MCM4: variants seen among roughly 807,000 people sequenced by gnomAD.
MCM4 encodes the protein DNA replication licensing factor MCM4.
Under a neutral mutation model 88.7 loss-of-function variants are expected in MCM4, and 60 were observed. The ratio of observed to expected loss-of-function variants is 0.68; its 90% confidence interval spans 0.55 to 0.84. The LOEUF (loss-of-function observed/expected upper bound fraction) is 0.84, where lower values mean the gene tolerates loss of function less well. Ranked by LOEUF, MCM4 falls within the 40% of genes least tolerant of loss-of-function variation. The pLI, the probability that MCM4 is intolerant of heterozygous loss-of-function variation, is 0.00. For synonymous variants in MCM4, 465 were observed against 410.5 expected, an observed-to-expected ratio of 1.13 and a Z score of -1.61; for missense variants, 1,149 against 1,105.5, an observed-to-expected ratio of 1.04 and a Z score of -0.56.
At position 47,974,763 on chromosome 8, in the gene MCM4, TA is replaced by T. The variant is rs769592643; in HGVS notation, c.2167del (p.Ser723AlafsTer12). The T allele has an allele frequency of 1.2e-5, 19 of 1,614,128 alleles. No individual in the cohort carries two copies. Among genetic ancestry groups the T allele is most frequent in the Non-Finnish European group, 1.4e-5 (17 of 1,180,044 alleles). On this transcript the variant is annotated frameshift_variant, in exon 15 of 17. Coordinates refer to ENST00000649973, the MANE Select transcript of MCM4 (RefSeq NM_182746.3). LOFTEE classifies it high-confidence loss of function. ...ATGTAGACATGAGGAAGATTGGCAGTAGCCGGGGAATGGTTTCTGCATACCC... is the reference window on the plus strand; with the variant it reads ...ATGTAGACATGAGGAAGATTGGCAGTGCCGGGGAATGGTTTCTGCATACCC... ...AYVDMRKIGS[S>X]RGMVSAYPRQ...
At chr8:47,964,447 G>A in intron 7 of MCM4, 127 bp from the exon 8 acceptor site, 1 of 614,726 alleles carries the variant, frequency 1.6e-6, no homozygotes, top group Non-Finnish European at 2.7e-6. Context: ...GCACGTGCAT[G>A]ATTCTGTAGG....
chr8:47,969,469 G>A, intron 10 of MCM4: 1 of 278,380 alleles, frequency 3.6e-6, no homozygotes, highest in Non-Finnish European at 6.9e-6. Context: ...TGTTGATTAG[G>A]GTGGTCTCGA....
Position 47,977,347 on chromosome 8 carries a change from C to T in MCM4, c.*569C>T, listed in dbSNP as rs1048834574. ...CAGGTGCCATTTTATAGTATAGCAG[C>T]AGGGCTTTTACTCTGTGTATGCACA... On this transcript the variant is annotated 3_prime_UTR_variant, in exon 17 of 17. Transcript: ENST00000649973. 2 of 151,662 alleles carry T rather than the reference C, an allele frequency of 1.3e-5. No individual in the cohort carries two copies. The highest frequency in any genetic ancestry group is 4.9e-5 in the African/African-American group (2 of 41,040). The allele number at this position is 151,662 out of a possible 1,614,324, so 9.4% of individuals were successfully genotyped here. A position where few individuals can be genotyped will look rare whatever the true frequency, so the allele number is the denominator to read the frequency against.
At chr8:47,961,786 C>A in intron 3 of MCM4, 106 bp downstream of exon 3, 1 of 1,361,982 alleles carries the variant, frequency 7.3e-7, no homozygotes, top group Non-Finnish European at 1.0e-6. Context: ...CTAAAGCATC[C>A]CCTCTGCACG....
chr8:47,964,186 G>A (rs2090875611), intron 7 of MCM4, among the ~76,000 whole-genome samples: 1 of 152,114 alleles, frequency 6.6e-6, no homozygotes, highest in Admixed American at 6.5e-5. Flanking sequence ...TCATGCTGTT[G>A]CACTCCAGCC....
rs369607097 is a variant in MCM4 at position 47,969,802 on chromosome 8, C to G, written c.1179C>G (p.Ile393Met). ...QPGDRVNVTG[I>M]YRAVPIRVNP... is the part of the protein sequence containing the mutation. The stretch of plus-strand genomic sequence containing the variant: ...ATCTCCTGGTTGTGCCCTCAGGCAT[C>G]TATCGAGCTGTGCCTATTCGAGTCA... Residue 393 changes from isoleucine to methionine, a missense_variant, in exon 11 of 17, where the codon ATC (isoleucine) becomes ATG (methionine). Transcript: ENST00000649973. 28 of 1,614,014 alleles carry G rather than the reference C, an allele frequency of 1.7e-5. No homozygotes were observed. The highest frequency in any genetic ancestry group is 2.1e-5 in the Non-Finnish European group (25 of 1,179,830).
At chr8:47,966,484 C>T (rs1203894383) in intron 9 of MCM4, 77 bp downstream of exon 9, 24 of 1,390,626 alleles carry the variant, frequency 1.7e-5, no homozygotes, top group South Asian at 1.1e-4. Flanking sequence ...ACTTGTCCCT[C>T]GGACCCTGAG....
intron 13 of MCM4, 133 bp downstream of exon 13, chr8:47,971,601 AAG>A: frequency 1.1e-6 from 1 of 926,188 alleles, no homozygotes; most frequent in East Asian, 2.6e-5. Context: ...TTGGTTGGTC[AAG>A]AGTTTTCACG....
At chr8:47,967,220 A>G in intron 9 of MCM4, 145 bp from the exon 10 acceptor site, 1 of 891,328 alleles carries the variant, frequency 1.1e-6, no homozygotes, top group Non-Finnish European at 1.6e-6. Context: ...AGTAATTTCT[A>G]AGGAAATAAT....
chr8:47,966,316 G>A lies in MCM4; in HGVS notation c.962G>A (p.Arg321His), dbSNP rs980723406. 6.8e-6 allele frequency: 11 copies of A among 1,613,992 alleles called. No individual in the cohort carries two copies. Among genetic ancestry groups the A allele is most frequent in the East Asian group, 6.7e-5 (3 of 44,874 alleles). ...ACCCGGGTGGAGATGGACCGCGGCCGCATTGCAGAGCCCAGTGTGTGCGGG... is the reference window on the plus strand; with the variant it reads ...ACCCGGGTGGAGATGGACCGCGGCCACATTGCAGAGCCCAGTGTGTGCGGG... ...HTTRVEMDRG[R>H]IAEPSVCGRC... Residue 321 changes from arginine (R) to histidine (H), a missense_variant, in exon 9 of 17, where the codon CGC (arginine) becomes CAC (histidine). Arg to His is a conservative substitution (Grantham distance 29). Transcript: ENST00000649973.
chr8:47,969,718 C>A, intron 10 of MCM4, 80 bp from the exon 11 acceptor site: 2 of 1,462,810 alleles, frequency 1.4e-6, no homozygotes, highest in South Asian at 1.2e-5. Flanking sequence ...CTGAAGTGCA[C>A]CTGTTGCCTA....
chr8:47,971,129 T>C (rs972753569), intron 12 of MCM4, among the ~76,000 whole-genome samples: 8 of 152,236 alleles, frequency 5.3e-5, no homozygotes, highest in Non-Finnish European at 8.8e-5. Flanking sequence ...AAGATGTGGT[T>C]ATAGCACACA....
At chr8:47,967,513 T>A (rs746905652) in intron 10 of MCM4, 28 bp downstream of exon 10, 2 of 1,613,556 alleles carry the variant, frequency 1.2e-6, no homozygotes, top group Non-Finnish European at 1.7e-6. Flanking sequence ...CACCAGCACT[T>A]GAGCATGTCT....
rs2090849195 is a variant in MCM4, at chr8:47,962,174, C to T, written c.357C>T (p.Gly119=). The T allele has an allele frequency of 6.2e-7, 1 of 1,614,182 alleles. No individual in the cohort carries two copies. Among genetic ancestry groups the T allele is most frequent in the Non-Finnish European group, 8.5e-7 (1 of 1,180,036 alleles). Residue 119 remains glycine, a synonymous_variant, in exon 4 of 17, where the codon GGC becomes GGT. Coordinates refer to ENST00000649973, the MANE Select transcript of MCM4 (RefSeq NM_182746.3). The part of the protein sequence containing the change: ...GTPVRQRPDL[G]SAQKGLQVDL... ...CTGTGAGACAGAGGCCTGACCTGGG[C>T]TCTGCACAGAAGGGCCTGCAAGTGG...
rs199504131 is a variant in MCM4, at chr8:47,970,572, A to G, written c.1496A>G (p.Lys499Arg). The G allele has an allele frequency of 5.9e-5, 96 of 1,613,936 alleles. No individual in the cohort carries two copies. Among genetic ancestry groups the G allele is most frequent in the Admixed American group, 1.3e-4 (8 of 60,008 alleles). Residue 499 changes from lysine to arginine, a missense_variant, in exon 12 of 17, where the codon AAA becomes AGA. Physicochemically the swap from Lys to Arg is conservative, Grantham distance 26 (BLOSUM62 2). Transcript: ENST00000649973. ...GATTTTAGTCACACTGGAAGGGGCA[A>G]ATTTCGGGCTGAGATCAACATCTTG... The part of the protein sequence containing the change: ...RKDFSHTGRG[K>R]FRAEINILLC...
intron 10 of MCM4, among the ~76,000 whole-genome samples, chr8:47,968,109 A>G (rs1357214897): frequency 1.3e-5 from 2 of 152,184 alleles, no homozygotes; most frequent in African/African-American, 4.8e-5. Flanking sequence ...TGAGTGTGGC[A>G]GTCCTCCTTT....
At chr8:47,964,443 G>A (rs1022901288) in intron 7 of MCM4, 131 bp from the exon 8 acceptor site, 1 of 586,386 alleles carries the variant, frequency 1.7e-6, no homozygotes, top group African/African-American at 1.9e-5. Flanking sequence ...AACAGCACGT[G>A]CATGATTCTG....
chr8:47,967,871 C>G (rs949809492), intron 10 of MCM4, among the ~76,000 whole-genome samples: 6 of 152,106 alleles, frequency 3.9e-5, no homozygotes, highest in Admixed American at 3.9e-4. Context: ...GTATTACTCA[C>G]CAATGCTGGA....
At chr8:47,976,375 C>T (rs2091000582) in intron 16 of MCM4, among the ~76,000 whole-genome samples, 1 of 151,982 alleles carries the variant, frequency 6.6e-6, no homozygotes, top group South Asian at 2.1e-4. Flanking sequence ...TTTGGGTGTC[C>T]TTTTGTAAAT....
Sources: gnomAD v4.1 joint callset for allele counts (sites outside exome capture counted in the v4.1 genomes callset) on GRCh38, gnomAD v4.1.1 for gene constraint, MANE v1.5 for transcripts, NCBI Gene and HGNC (gene_info 2026-07-23, HGNC 2026-07-21) for gene names.